UBE2E2: variants seen among roughly 807,000 people sequenced by gnomAD.
UBE2E2 encodes ubiquitin conjugating enzyme E2 E2, also known as ubiquitin-conjugating enzyme E2 E2.
Under a neutral mutation model 24.7 loss-of-function variants are expected in UBE2E2, and 6 were observed. That is an observed-to-expected ratio of 0.24 (90% confidence interval 0.13 to 0.48). The LOEUF (loss-of-function observed/expected upper bound fraction) is 0.48. UBE2E2 is among the 20% of genes least tolerant of loss of function. The pLI, the probability that UBE2E2 is intolerant of heterozygous loss-of-function variation, is 0.99. For missense variants in UBE2E2, 169 were observed against 245.0 expected (o/e 0.69, Z 2.07); for synonymous variants, 104 against 83.6 (o/e 1.24, Z -1.33).
chr3:23,571,280 C>CTTTCTTTTTTTTTTTTTT lies in UBE2E2; in HGVS notation c.509-18451_509-18450insCTTTTTTTTTTTTTTTTT, dbSNP rs1696218039. ...AGTCCCCTCACCTGTGTGCTCCTTT[C>CTTTCTTTTTTTTTTTTTT]TTTTTTTTTTTTTTTTTTTTTTTTT... On this transcript the variant is annotated intron_variant, in intron 5 of 5. Transcript: ENST00000396703. Among the ~76,000 whole-genome samples the CTTTCTTTTTTTTTTTTTT allele has an allele frequency of 2.7e-3, 80 of 29,904 alleles. 4 individuals carry two copies. The highest frequency in any genetic ancestry group is 7.3e-3 in the African/African-American group (71 of 9,736). The allele number at this position is 29,904 out of a possible 152,430, so 19.6% of individuals were successfully genotyped here.
chr3:23,418,388 C>T (rs982449413), intron 3 of UBE2E2, among the ~76,000 whole-genome samples: 2 of 152,292 alleles, frequency 1.3e-5, no homozygotes, highest in African/African-American at 2.4e-5. Context: ...TGTAACCAGT[C>T]CCAGTAAGAT....
rs139278147 is a variant in UBE2E2 at position 23,298,224 on chromosome 3, C to T, written c.227+80912C>T. ...GGATTTTCTAGATATACAATCATGT[C>T]GTCTGCAAACAGGGACAATTTGACT... is the stretch of plus-strand genomic sequence containing the variant. On this transcript the variant is annotated intron_variant, in intron 3 of 5. Coordinates refer to ENST00000396703, the MANE Select transcript of UBE2E2 (RefSeq NM_152653.4). 4.1e-3 allele frequency among the ~76,000 whole-genome samples: 624 copies of T among 152,276 alleles called. 6 individuals carry two copies. Among genetic ancestry groups the T allele is most frequent in the Non-Finnish European group, 7.1e-3 (486 of 68,020 alleles).
At chr3:23,451,543 T>C (rs539639437) in intron 3 of UBE2E2, among the ~76,000 whole-genome samples, 48 of 152,330 alleles carry the variant, frequency 3.2e-4, no homozygotes, top group Admixed American at 1.3e-4. Context: ...TACCGTGTTA[T>C]CTCTTAAGGA....
chr3:23,434,321 G>T (rs578151669), intron 3 of UBE2E2, among the ~76,000 whole-genome samples: 1 of 152,214 alleles, frequency 6.6e-6, no homozygotes, highest in Non-Finnish European at 1.5e-5. Context: ...AACCTGGATT[G>T]TGATTTATCT....
chr3:23,353,136 C>G (rs977833516), intron 3 of UBE2E2, among the ~76,000 whole-genome samples: 5 of 152,122 alleles, frequency 3.3e-5, no homozygotes, highest in Non-Finnish European at 5.9e-5. Flanking sequence ...ACAAAAACCA[C>G]CATGATTATC....
chr3:23,437,916 A>G (rs1698218660), intron 3 of UBE2E2, among the ~76,000 whole-genome samples: 1 of 152,328 alleles, frequency 6.6e-6, no homozygotes, highest in Middle Eastern at 3.4e-3. Flanking sequence ...CAAGTTTTAA[A>G]CACCCTCAGT....
rs568527788 is a variant in UBE2E2, at chr3:23,299,030, T to A, written c.227+81718T>A. Among the ~76,000 whole-genome samples, 23 of 152,346 alleles carry A rather than the reference T, an allele frequency of 1.5e-4. No individual in the cohort carries two copies. In the South Asian group the frequency reaches 2.7e-3, roughly 18 times the overall value. On this transcript the variant is annotated intron_variant, in intron 3 of 5. Coordinates refer to ENST00000396703, the MANE Select transcript of UBE2E2 (RefSeq NM_152653.4). ...GTTTAGTCTTGGGAGGATGTATATGTCAGGGAATTAATCCATTTCTTCCAG... is the reference window on the plus strand; with the variant it reads ...GTTTAGTCTTGGGAGGATGTATATGACAGGGAATTAATCCATTTCTTCCAG...
chr3:23,217,413 A>G (rs1696506880), intron 3 of UBE2E2, 101 bp downstream of exon 3: 1 of 1,059,526 alleles, frequency 9.4e-7, no homozygotes, highest in Non-Finnish European at 1.4e-6. Flanking sequence ...ATTAATTAGT[A>G]AAAACATCAT....
intron 5 of UBE2E2, among the ~76,000 whole-genome samples, chr3:23,544,673 G>C (rs1442967701): frequency 2.6e-5 from 4 of 152,200 alleles, no homozygotes; most frequent in Admixed American, 6.5e-5. Context: ...TGAAGGGGTG[G>C]GTTGCCCCTC....
intron 3 of UBE2E2, among the ~76,000 whole-genome samples, chr3:23,376,459 C>A (rs530244684): frequency 2.6e-4 from 39 of 152,286 alleles, no homozygotes; most frequent in Non-Finnish European, 4.3e-4. Context: ...AGGTAAGATA[C>A]GTGAACCACA....
At chr3:23,400,623 C>CACACACAT (rs1553608505) in intron 3 of UBE2E2, among the ~76,000 whole-genome samples, 1 of 151,142 alleles carries the variant, frequency 6.6e-6, no homozygotes, top group East Asian at 1.9e-4. Context: ...CACACACACA[C>CACACACAT]ACACACACAC....
At chr3:23,389,091 C>A (rs926096633) in intron 3 of UBE2E2, among the ~76,000 whole-genome samples, 6 of 152,180 alleles carry the variant, frequency 3.9e-5, no homozygotes, top group Non-Finnish European at 8.8e-5. Flanking sequence ...ACTTGCCTAC[C>A]CTGGTCCCAC....
At chr3:23,541,597 T>G (rs1695397898) in intron 5 of UBE2E2, among the ~76,000 whole-genome samples, 1 of 152,224 alleles carries the variant, frequency 6.6e-6, no homozygotes. Flanking sequence ...TTTACATGTA[T>G]TGGAAGAACT....
At chr3:23,296,330 T>C (rs543748894) in intron 3 of UBE2E2, among the ~76,000 whole-genome samples, 2 of 152,326 alleles carry the variant, frequency 1.3e-5, no homozygotes, top group Admixed American at 1.3e-4. Flanking sequence ...TTATTATTAT[T>C]GTATGTTAAG....
At position 23,573,728 on chromosome 3, in the gene UBE2E2, C is replaced by G. The variant is rs191225587; in HGVS notation, c.509-16006C>G. 1.6e-3 allele frequency among the ~76,000 whole-genome samples: 247 copies of G among 152,288 alleles called. 2 individuals carry two copies. Among genetic ancestry groups the G allele is most frequent in the Admixed American group, 8.4e-3 (129 of 15,292 alleles). ...AGTGCTGCCAGCTGCTAGGTGGTTC[C>G]TCCACACTTGCAATACCTAAATAGC... On this transcript the variant is annotated intron_variant, in intron 5 of 5. Transcript: ENST00000396703.
chr3:23,420,932 A>G (rs1393762160), intron 3 of UBE2E2, among the ~76,000 whole-genome samples: 1 of 152,242 alleles, frequency 6.6e-6, no homozygotes, highest in Admixed American at 6.5e-5. Context: ...GACATGTAAA[A>G]TAAGGTAATG....
At chr3:23,238,983 A>G (rs184061102) in intron 3 of UBE2E2, among the ~76,000 whole-genome samples, 98 of 152,324 alleles carry the variant, frequency 6.4e-4, no homozygotes, top group African/African-American at 2.2e-3. Flanking sequence ...TGGAAAATTT[A>G]TCCAGTCATG....
At position 23,354,509 on chromosome 3, in the gene UBE2E2, C is replaced by T. The variant is rs187703277; in HGVS notation, c.227+137197C>T. Among the ~76,000 whole-genome samples, 706 of 152,268 alleles carry T rather than the reference C, an allele frequency of 4.6e-3. 3 individuals are homozygous for T. The highest frequency in any genetic ancestry group is 0.016 in the African/African-American group (646 of 41,520). ...CTGACAAAGGGCTAATATCCAGAAT[C>T]TACAATGAACTCCAACAAATTTGCA... On this transcript the variant is annotated intron_variant, in intron 3 of 5. Transcript: ENST00000396703.
intron 3 of UBE2E2, among the ~76,000 whole-genome samples, chr3:23,288,613 T>C (rs1206575440): frequency 6.6e-6 from 1 of 152,214 alleles, no homozygotes; most frequent in African/African-American, 2.4e-5. Context: ...GCTGCACATA[T>C]ATTTATGTTA....
Sources: gnomAD v4.1 joint callset for allele counts (sites outside exome capture counted in the v4.1 genomes callset) on GRCh38, gnomAD v4.1.1 for gene constraint, MANE v1.5 for transcripts, NCBI Gene and HGNC (gene_info 2026-07-23, HGNC 2026-07-21) for gene names.